The following CENPF variants were observed in gnomAD, a reference collection of about 807,000 sequenced individuals.
CENPF encodes centromere protein F, also known as AH antigen.
A neutral mutation model predicts 307.3 loss-of-function variants in CENPF; 214 were observed. The observed-to-expected ratio is 0.70, with a 90% CI of 0.62 to 0.78. The LOEUF is 0.78. CENPF is among the 30% of genes least tolerant of loss of function. The probability of loss-of-function intolerance (pLI) is 0.00; values close to 1 mark genes in which losing one functional copy is unlikely to be tolerated. For synonymous variants in CENPF, 1,259 were observed against 1,270.6 expected (o/e 0.99, Z 0.19); for missense variants, 3,401 against 3,483.9 (o/e 0.98, Z 0.60).
rs1369397406 is a variant in CENPF at position 214,645,352 on chromosome 1, G to C, written c.5782G>C (p.Val1928Leu). The C allele has an allele frequency of 1.2e-6, 2 of 1,613,996 alleles. No homozygotes were observed. The highest frequency in any genetic ancestry group is 1.7e-6 in the Non-Finnish European group (2 of 1,180,008). Residue 1928 changes from valine (V) to leucine (L), a missense_variant, in exon 13 of 20, where the codon GTT becomes CTT. Val to Leu is a conservative substitution (Grantham distance 32). Coordinates refer to ENST00000366955, the MANE Select transcript of CENPF (RefSeq NM_016343.4). Reference protein sequence around the residue: ...ALYLEADLEVVQTEKLCLEKD... With the variant: ...ALYLEADLEVLQTEKLCLEKD... ...CTACCTGGAGGCTGACTTAGAGGTA[G>C]TTCAAACAGAGAAGCTATGTTTAGA...
rs72759668 is a variant in CENPF at position 214,657,249 on chromosome 1, A to G, written c.8802A>G (p.Arg2934=). ...ATAAAGCTTCAGGCAAGAGGCAAAG[A>G]TCCAGTGGAATATGGGAGAATGGTA... The part of the protein sequence containing the change: ...GQNKASGKRQ[R]SSGIWENGRG... Residue 2934 remains arginine, a synonymous_variant, in exon 18 of 20, where the codon AGA becomes AGG. Transcript: ENST00000366955. 3.3e-4 allele frequency: 532 copies of G among 1,614,148 alleles called. No homozygotes were observed. Among genetic ancestry groups the G allele is most frequent in the Non-Finnish European group, 4.4e-4 (516 of 1,180,016 alleles).
At chr1:214,661,051 C>T (rs1380092390) in intron 19 of CENPF, among the ~76,000 whole-genome samples, 3 of 152,164 alleles carry the variant, frequency 2.0e-5, no homozygotes, top group Admixed American at 6.5e-5. Flanking sequence ...TTGCATGCGG[C>T]GTTCAGACTT....
In CENPF at chr1:214,622,111, C is replaced by T. The variant is rs17023281; in HGVS notation, c.898C>T (p.Arg300Cys). ...AAACAAGATTAATGAGTTGGAACTA[C>T]GCCTGCAAGGACATGAAAAAGAAAT... ...LRNKINELELRLQGHEKEMKG... is the reference protein window; with the variant it reads ...LRNKINELELCLQGHEKEMKG... Residue 300 changes from arginine to cysteine, a missense_variant, in exon 7 of 20, where the codon CGC becomes TGC. Physicochemically the swap from Arg to Cys is radical, Grantham distance 180. Transcript: ENST00000366955. The T allele has an allele frequency of 3.2e-3, 5,163 of 1,613,866 alleles. 105 individuals are homozygous for T. The African/African-American group carries it at 0.05, about 16-fold the overall frequency.
rs1657444109 is a variant in CENPF, at chr1:214,619,321, C to T, written c.573+101C>T. The T allele has an allele frequency of 4.7e-5, 29 of 617,900 alleles. 1 individual carries two copies. Among genetic ancestry groups the T allele is most frequent in the Non-Finnish European group, 6.7e-5 (24 of 356,676 alleles). 38.3% of individuals were successfully genotyped at this position (617,900 alleles called of 1,614,324 possible). The stretch of plus-strand genomic sequence containing the variant: ...AAAAATCTGTTTTACATAGAGCTGG[C>T]CTTTTTGTGTGTGTGTGTGCTGAGA... On this transcript the variant is annotated intron_variant, in intron 5 of 19. Transcript: ENST00000366955.
chr1:214,632,624 T>G, intron 10 of CENPF, 22 bp downstream of exon 10: 2 of 1,610,446 alleles, frequency 1.2e-6, no homozygotes, highest in Non-Finnish European at 1.7e-6. Context: ...GGATGCCGAA[T>G]TTTCTCCACT....
At position 214,620,702 on chromosome 1, in the gene CENPF, T is replaced by A. The variant is rs748877079; in HGVS notation, c.621T>A (p.Ile207=). Residue 207 remains isoleucine (I), a synonymous_variant, in exon 6 of 20, where the codon ATT becomes ATA. Transcript: ENST00000366955. Reference sequence around the variant, plus strand: ...AAGCCACCATGAATCACCGCGACATTGCCCGGCATCAGGCTTCATCATCTG... The same window carrying A: ...AAGCCACCATGAATCACCGCGACATAGCCCGGCATCAGGCTTCATCATCTG... ...LPQATMNHRD[I]ARHQASSSVF... The A allele has an allele frequency of 1.2e-6, 2 of 1,614,130 alleles. No individual in the cohort carries two copies. Among genetic ancestry groups the A allele is most frequent in the East Asian group, 4.5e-5 (2 of 44,880 alleles).
At position 214,641,469 on chromosome 1, in the gene CENPF, A is replaced by G; in HGVS notation, c.3131A>G (p.Lys1044Arg). The G allele has an allele frequency of 3.2e-6, 5 of 1,539,840 alleles. No individual in the cohort carries two copies. The highest frequency in any genetic ancestry group is 4.3e-6 in the Non-Finnish European group (5 of 1,152,222). ...TATGAGGATCTTAGTCAAAAATACA[A>G]AGCAGCACAGGAAAAGAATTCTAAA... ...NAYEDLSQKY[K>R]AAQEKNSKLE... Residue 1044 changes from lysine (K) to arginine (R), a missense_variant, in exon 12 of 20, where the codon AAA becomes AGA. Coordinates refer to ENST00000366955, the MANE Select transcript of CENPF (RefSeq NM_016343.4).
Position 214,646,849 on chromosome 1 carries a change from C to G in CENPF, c.7279C>G (p.Gln2427Glu), listed in dbSNP as rs377346261. The G allele has an allele frequency of 1.2e-6, 2 of 1,611,840 alleles. No individual in the cohort carries two copies. Among genetic ancestry groups the G allele is most frequent in the Non-Finnish European group, 1.7e-6 (2 of 1,179,290 alleles). Reference sequence around the variant, plus strand: ...TGAAAATATTTTGCAAGAAAAAGAGCAAGAGAAAGTACAGATGAAAGAAAA... The same window carrying G: ...TGAAAATATTTTGCAAGAAAAAGAGGAAGAGAAAGTACAGATGAAAGAAAA... ...SFENILQEKE[Q>E]EKVQMKEKSS... Residue 2427 changes from glutamine to glutamate, a missense_variant, in exon 13 of 20, where the codon CAA (glutamine) becomes GAA (glutamate). Transcript: ENST00000366955.
At position 214,646,269 on chromosome 1, in the gene CENPF, C is replaced by A. The variant is rs149273910; in HGVS notation, c.6699C>A (p.Leu2233=). 6.2e-7 allele frequency: 1 copy of A among 1,614,064 alleles called. No individual in the cohort carries two copies. The change falls in exon 13 of 20, where the codon CTC becomes CTA. Residue 2233 remains leucine, a synonymous_variant. Coordinates refer to ENST00000366955, the MANE Select transcript of CENPF (RefSeq NM_016343.4). ...AGTTGTCAGAACTAGACAAGTTACT[C>A]TCTTCATTTAAAAGTCTGTTAGAAG... is the stretch of plus-strand genomic sequence containing the variant. ...QGQLSELDKL[L]SSFKSLLEEK...
chr1:214,614,747 G>A, intron 2 of CENPF, 85 bp from the exon 3 acceptor site: 1 of 854,882 alleles, frequency 1.2e-6, no homozygotes, highest in Middle Eastern at 3.7e-4. Context: ...GAATTTAGTA[G>A]TCAATGTTAG....
rs532196049 is a variant in CENPF, at chr1:214,661,201, G to C, written c.9141+2173G>C. ...GCTACATGCTGTTCAGTAGGCACCA[G>C]CAGTTATGAATTGCTAAGCAATTTT... On this transcript the variant is annotated intron_variant, in intron 19 of 19. Coordinates refer to ENST00000366955, the MANE Select transcript of CENPF (RefSeq NM_016343.4). Among the ~76,000 whole-genome samples, 3 of 152,200 alleles carry C rather than the reference G, an allele frequency of 2.0e-5. No individual in the cohort carries two copies. In the South Asian group the frequency reaches 6.2e-4, roughly 31 times the overall value.
intron 10 of CENPF, among the ~76,000 whole-genome samples, chr1:214,634,157 A>G (rs922043104): frequency 1.3e-5 from 2 of 152,180 alleles, no homozygotes; most frequent in African/African-American, 4.8e-5. Flanking sequence ...CATGCATCAC[A>G]TTTCACTGGT....
At chr1:214,622,320 C>T (rs770197435) in intron 7 of CENPF, 39 bp downstream of exon 7, 21 of 1,447,662 alleles carry the variant, frequency 1.5e-5, no homozygotes, top group Admixed American at 1.4e-4. Flanking sequence ...AAATCTTCAT[C>T]TTTTCATACA....
intron 1 of CENPF, chr1:214,605,632 G>A (rs377670454): frequency 4.7e-6 from 7 of 1,495,852 alleles, no homozygotes; most frequent in African/African-American, 2.7e-5. Context: ...GGTGAGGTCC[G>A]GGGGCTGCCT....
At position 214,618,638 on chromosome 1, in the gene CENPF, G is replaced by A. The variant is rs1042316367; in HGVS notation, c.425G>A (p.Cys142Tyr). 1 of 1,614,006 alleles carries A rather than the reference G, an allele frequency of 6.2e-7. No individual in the cohort carries two copies. Among genetic ancestry groups the A allele is most frequent in the Non-Finnish European group, 8.5e-7 (1 of 1,179,952 alleles). Residue 142 changes from cysteine to tyrosine, a missense_variant, in exon 4 of 20, where the codon TGC becomes TAC. By Grantham distance (194) the Cys-to-Tyr change is radical. Coordinates refer to ENST00000366955, the MANE Select transcript of CENPF (RefSeq NM_016343.4). ...AQSADVSLNPCNTPQKIFTTP... is the reference protein window; with the variant it reads ...AQSADVSLNPYNTPQKIFTTP... Reference sequence around the variant, plus strand: ...TCTGCAGATGTCTCTCTGAATCCATGCAATACACCACAAAAAATTTTTACA... The same window carrying A: ...TCTGCAGATGTCTCTCTGAATCCATACAATACACCACAAAAAATTTTTACA...
chr1:214,627,204 C>T (rs551842131), intron 7 of CENPF, among the ~76,000 whole-genome samples: 117 of 151,916 alleles, frequency 7.7e-4, no homozygotes, highest in African/African-American at 2.6e-3. Flanking sequence ...AGGCTATAGG[C>T]GCCCACCACC....
In CENPF at chr1:214,606,002, C is replaced by T. The variant is rs556365364; in HGVS notation, c.-42+2681C>T. The T allele has an allele frequency of 2.6e-4, 418 of 1,596,972 alleles. 5 individuals are homozygous for T. The South Asian group carries it at 4.3e-3, about 16-fold the overall frequency. ...CAGCACCACCGCGGCACACTCGTAG[C>T]GCGAGGCCAGGTCCACGGTGGGCAC... On this transcript the variant is annotated intron_variant, in intron 1 of 19. Transcript: ENST00000366955.
In CENPF at chr1:214,641,091, A is replaced by G. The variant is rs1225717508; in HGVS notation, c.2753A>G (p.Asp918Gly). 3.2e-6 allele frequency: 5 copies of G among 1,570,926 alleles called. No individual in the cohort carries two copies. The highest frequency in any genetic ancestry group is 4.3e-6 in the Non-Finnish European group (5 of 1,167,622). The change falls in exon 12 of 20, where the codon GAT (aspartate) becomes GGT (glycine). Residue 918 changes from aspartate to glycine, a missense_variant. Physicochemically the swap from Asp to Gly is moderately conservative, Grantham distance 94 (BLOSUM62 -1). Coordinates refer to ENST00000366955, the MANE Select transcript of CENPF (RefSeq NM_016343.4). The stretch of plus-strand genomic sequence containing the variant: ...GAAAAAGAGCTGCAACTTTTAAATG[A>G]TAAGGTAGAAACTGAGCAGGCAGAG... ...NKEKELQLLN[D>G]KVETEQAEIQ...
rs371328968 is a variant in CENPF, at chr1:214,643,186, G to T, written c.4848G>T (p.Val1616=). 1.9e-6 allele frequency: 3 copies of T among 1,604,782 alleles called. No homozygotes were observed. The highest frequency in any genetic ancestry group is 2.7e-5 in the African/African-American group (2 of 74,026). ...AGTGGCAACAGAAGCTGACAAGCGT[G>T]ACTCTGGAGATGGAGTCCAAGTTGG... is the stretch of plus-strand genomic sequence containing the variant. The part of the protein sequence containing the change: ...NEQWQQKLTS[V]TLEMESKLAA... The change falls in exon 12 of 20, where the codon GTG becomes GTT. Residue 1616 remains valine (V), a synonymous_variant. Transcript: ENST00000366955.
Sources: allele counts gnomAD v4.1 joint callset (sites outside exome capture counted in the v4.1 genomes callset), GRCh38; gene constraint gnomAD v4.1.1; transcripts MANE v1.5; gene names NCBI Gene and HGNC (gene_info 2026-07-23, HGNC 2026-07-21).